The following UBAP1 variants were observed in gnomAD, a reference collection of about 807,000 sequenced individuals.
The protein encoded by UBAP1 is ubiquitin-associated protein 1.
In UBAP1, 5 loss-of-function variants were observed where a neutral mutation model predicts 39.0. The ratio of observed to expected loss-of-function variants is 0.13; its 90% CI spans 0.07 to 0.27. The LOEUF (loss-of-function observed/expected upper bound fraction) is 0.27. Among genes scored for constraint, UBAP1 ranks in the 10% least tolerant of loss-of-function variants. UBAP1 has a pLI of 1.00. For synonymous variants in UBAP1, 211 were observed against 225.1 expected (o/e 0.94, Z 0.56); for missense variants, 490 against 608.1 (o/e 0.81, Z 2.04).
At chr9:34,231,127 A>ATGTG (rs6150983) in intron 2 of UBAP1, among the ~76,000 whole-genome samples, 15,645 of 136,726 alleles carry the variant, frequency 0.11, 878 homozygotes, top group Non-Finnish European at 0.13. Context: ...TAAAAAAATT[A>ATGTG]TGTGTGTGTG....
At chr9:34,180,837 G>C (rs1290104320) in intron 1 of UBAP1, among the ~76,000 whole-genome samples, 1 of 150,494 alleles carries the variant, frequency 6.6e-6, no homozygotes, top group African/African-American at 2.4e-5. Context: ...TCCAGAGGGA[G>C]TCTCGGTCTG....
rs1336327738 is a variant in UBAP1 at position 34,251,807 on chromosome 9, G to A, written c.*275G>A. ...AGTGTCCTTCCCACTTCAGCCCTCC[G>A]GAGAGACTACCCTAGTCTTTCTGGG... On this transcript the variant is annotated 3_prime_UTR_variant, in exon 7 of 7. Coordinates refer to ENST00000297661, the MANE Select transcript of UBAP1 (RefSeq NM_016525.5). The A allele has an allele frequency of 1.9e-5, 7 of 372,628 alleles. No homozygotes were observed. The highest frequency in any genetic ancestry group is 6.0e-5 in the African/African-American group (3 of 49,680). 23.1% of individuals were successfully genotyped at this position (372,628 alleles called of 1,614,324 possible).
At chr9:34,249,989 G>A in intron 5 of UBAP1, 28 bp downstream of exon 5, 1 of 1,611,106 alleles carries the variant, frequency 6.2e-7, no homozygotes, top group Non-Finnish European at 8.5e-7. Flanking sequence ...CAGGAGGGCA[G>A]GCTCAGACCT....
intron 1 of UBAP1, among the ~76,000 whole-genome samples, chr9:34,185,248 T>C (rs944499494): frequency 6.6e-6 from 1 of 152,154 alleles, no homozygotes. Flanking sequence ...TAAAACACTT[T>C]ACATAATCTC....
intron 1 of UBAP1, among the ~76,000 whole-genome samples, chr9:34,210,347 A>C (rs1393029274): frequency 6.6e-6 from 1 of 152,232 alleles, no homozygotes; most frequent in African/African-American, 2.4e-5. Flanking sequence ...AAGGCCTCAC[A>C]AATTGAATTC....
Position 34,228,131 on chromosome 9 carries a change from A to C in UBAP1, c.35-6085A>C, listed in dbSNP as rs551205148. 6.7e-4 allele frequency among the ~76,000 whole-genome samples: 102 copies of C among 152,038 alleles called. 1 individual carries two copies. The South Asian group carries it at 0.02, about 30-fold the overall frequency. On this transcript the variant is annotated intron_variant, in intron 2 of 6. Transcript: ENST00000297661. ...GTGAGAGAGCAAGACCCTGTCTTAA[A>C]AAAGAAGCTGGGTGCGATGGCTCAC...
chr9:34,180,946 G>A (rs2131476156), intron 1 of UBAP1, among the ~76,000 whole-genome samples: 1 of 150,094 alleles, frequency 6.7e-6, no homozygotes, highest in East Asian at 2.0e-4. Flanking sequence ...GAGTAGCTGA[G>A]ATTATAGACA....
chr9:34,235,673 A>C (rs1300678537), intron 3 of UBAP1, among the ~76,000 whole-genome samples: 1 of 151,850 alleles, frequency 6.6e-6, no homozygotes, highest in African/African-American at 2.4e-5. Context: ...GTATAGCCTA[A>C]GTGTACAGTG....
chr9:34,233,175 A>G (rs1227670737), intron 2 of UBAP1, among the ~76,000 whole-genome samples: 1 of 149,022 alleles, frequency 6.7e-6, no homozygotes, highest in Non-Finnish European at 1.5e-5. Flanking sequence ...AAGGATTTCC[A>G]TGTTGTTCTA....
At chr9:34,190,624 T>C (rs893649643) in intron 1 of UBAP1, among the ~76,000 whole-genome samples, 1 of 149,796 alleles carries the variant, frequency 6.7e-6, no homozygotes, top group African/African-American at 2.5e-5. Context: ...TTTTTTCCTT[T>C]CTTTCTTTCT....
chr9:34,248,422 G>A (rs2131633143), intron 4 of UBAP1, among the ~76,000 whole-genome samples: 1 of 152,308 alleles, frequency 6.6e-6, no homozygotes, highest in Admixed American at 6.5e-5. Flanking sequence ...TATGAGAAGG[G>A]CAGGCAGTTG....
chr9:34,231,006 T>C (rs1024084406), intron 2 of UBAP1, among the ~76,000 whole-genome samples: 10 of 151,670 alleles, frequency 6.6e-5, no homozygotes, highest in Non-Finnish European at 4.4e-5. Flanking sequence ...AATGAGACCC[T>C]GTCTTAGCTA....
chr9:34,184,666 A>T (rs1830287326), intron 1 of UBAP1, among the ~76,000 whole-genome samples: 2 of 143,518 alleles, frequency 1.4e-5, no homozygotes, highest in Admixed American at 1.4e-4. Context: ...CTCTGTTGCC[A>T]GGCTGGAGTG....
intron 1 of UBAP1, among the ~76,000 whole-genome samples, chr9:34,194,772 T>C (rs935878392): frequency 2.0e-5 from 3 of 152,224 alleles, no homozygotes; most frequent in Admixed American, 6.5e-5. Context: ...TACAATAACT[T>C]TATGAGATAG....
intron 2 of UBAP1, among the ~76,000 whole-genome samples, chr9:34,223,496 C>T (rs771717354): frequency 3.3e-5 from 5 of 152,150 alleles, no homozygotes; most frequent in Non-Finnish European, 5.9e-5. Context: ...GCTCTGTCGC[C>T]CAGGCTGGAG....
At chr9:34,194,434 C>T (rs1563889519) in intron 1 of UBAP1, among the ~76,000 whole-genome samples, 1 of 151,980 alleles carries the variant, frequency 6.6e-6, no homozygotes, top group East Asian at 1.9e-4. Flanking sequence ...CCTGCCTCAG[C>T]CTCCTCAGCA....
chr9:34,229,105 G>A (rs1436980113), intron 2 of UBAP1, among the ~76,000 whole-genome samples: 1 of 152,084 alleles, frequency 6.6e-6, no homozygotes, highest in South Asian at 2.1e-4. Context: ...AAGGGAAACG[G>A]CAGCCCTTTA....
intron 2 of UBAP1, chr9:34,224,545 C>T: frequency 2.3e-6 from 1 of 439,532 alleles, no homozygotes. Context: ...GGCACCCCTG[C>T]TCATACTTCC....
chr9:34,230,502 T>C (rs547431110), intron 2 of UBAP1, among the ~76,000 whole-genome samples: 23 of 152,368 alleles, frequency 1.5e-4, no homozygotes, highest in African/African-American at 5.3e-4. Context: ...TGCCAAAGTT[T>C]CAGCTTTGTT....
Sources: gnomAD v4.1 joint callset for allele counts (sites outside exome capture counted in the v4.1 genomes callset) on GRCh38, gnomAD v4.1.1 for gene constraint, MANE v1.5 for transcripts, NCBI Gene and HGNC (gene_info 2026-07-23, HGNC 2026-07-21) for gene names.